Variants in MAVS observed in about 807,000 individuals in gnomAD.
MAVS encodes the protein mitochondrial antiviral-signaling protein.
MAVS carries 20 observed loss-of-function variants against 30.2 expected under a neutral mutation model. The observed-to-expected ratio is 0.66, with a 90% CI of 0.47 to 0.96. The LOEUF is 0.96. Ranked by LOEUF, MAVS falls within the 40% of genes least tolerant of loss-of-function variation. The probability of loss-of-function intolerance (pLI) is 0.00; values close to 1 mark genes in which losing one functional copy is unlikely to be tolerated. For synonymous variants in MAVS, 278 were observed against 293.9 expected (o/e 0.95, Z 0.55); for missense variants, 624 against 701.1 (o/e 0.89, Z 1.24).
intron 3 of MAVS, among the ~76,000 whole-genome samples, chr20:3,860,788 T>A (rs1165399706): frequency 6.6e-6 from 1 of 151,818 alleles, no homozygotes; most frequent in Non-Finnish European, 1.5e-5. Flanking sequence ...GCAATTCTTC[T>A]GCCTCAGCCT....
chr20:3,865,722 G>C lies in MAVS; in HGVS notation c.1198G>C (p.Gly400Arg), dbSNP rs1341688021. The C allele has an allele frequency of 6.2e-7, 1 of 1,612,252 alleles. No homozygotes were observed. Among genetic ancestry groups the C allele is most frequent in the Non-Finnish European group, 8.5e-7 (1 of 1,179,214 alleles). The part of the protein sequence containing the change: ...AAPTPAGATG[G>R]SSAWLDSSSE... ...TCCAACACCCGCCGGCGCCACTGGA[G>C]GCAGCTCAGCCTGGCTAGACAGCAG... Residue 400 changes from glycine to arginine, a missense_variant, in exon 7 of 7, where the codon GGC becomes CGC. Transcript: ENST00000428216. This position sits in a 1 kb window ranked among gnomAD's most constrained non-coding sequence, Gnocchi z 4.7.
At chr20:3,852,179 AG>A (rs1390503673) in intron 1 of MAVS, among the ~76,000 whole-genome samples, 4 of 151,898 alleles carry the variant, frequency 2.6e-5, no homozygotes, top group Admixed American at 6.6e-5. Context: ...TATTTTTAGT[AG>A]AGACGGGGTT....
intron 1 of MAVS, among the ~76,000 whole-genome samples, chr20:3,852,370 TTC>T (rs2089769188): frequency 1.3e-5 from 2 of 152,216 alleles, no homozygotes; most frequent in African/African-American, 2.4e-5. Context: ...CAGTTCTTTC[TTC>T]TTCTACTAAC....
chr20:3,859,973 T>C (rs185771588), intron 3 of MAVS, among the ~76,000 whole-genome samples: 56 of 151,510 alleles, frequency 3.7e-4, no homozygotes, highest in Middle Eastern at 3.5e-3. Flanking sequence ...CCTGCAACCA[T>C]GCCCGGCTAA....
rs745803512 is a variant in MAVS, at chr20:3,857,890, C to G, written c.292+81C>G. On this transcript the variant is annotated intron_variant, in intron 3 of 6. Coordinates refer to ENST00000428216, the MANE Select transcript of MAVS (RefSeq NM_020746.5). ...CTCCTTTTCTCTCTCCCTGTACTTC[C>G]TGCCTTTCTCTGTCATCCTCTTTCT... 3 of 1,427,454 alleles carry G rather than the reference C, an allele frequency of 2.1e-6. No homozygotes were observed. The South Asian group carries it at 3.5e-5, about 16-fold the overall frequency. 88.4% of individuals were successfully genotyped at this position (1,427,454 alleles called of 1,614,324 possible). A position where few individuals can be genotyped will look rare whatever the true frequency, so the allele number is the denominator to read the frequency against.
At position 3,874,092 on chromosome 20, in the gene MAVS, T is replaced by C. The variant is rs2089974060; in HGVS notation, c.*7945T>C. ...GAATACTACTGCACAGCAACGAATA[T>C]GAATGAAAATATCGCTATGCACAGC... is the stretch of plus-strand genomic sequence containing the variant. On this transcript the variant is annotated 3_prime_UTR_variant, in exon 7 of 7. Transcript: ENST00000428216. 2.5e-6 allele frequency: 1 copy of C among 398,488 alleles called. No individual in the cohort carries two copies. The highest frequency in any genetic ancestry group is 4.4e-6 in the Non-Finnish European group (1 of 226,082). 24.7% of individuals were successfully genotyped at this position (398,488 alleles called of 1,614,324 possible).
intron 5 of MAVS, among the ~76,000 whole-genome samples, chr20:3,863,977 G>T (rs891537760): frequency 5.3e-5 from 8 of 152,162 alleles, no homozygotes; most frequent in Non-Finnish European, 1.2e-4. Flanking sequence ...AGAGGAAAAA[G>T]CGGAGAGAAT....
chr20:3,866,050 A>T lies in MAVS; in HGVS notation c.1526A>T (p.His509Leu). ...RKFQEREVPC[H>L]RPSPGALWLQ... Reference sequence around the variant, plus strand: ...TTCCAGGAGAGGGAGGTGCCATGCCACAGGCCCTCACCTGGGGCTCTGTGG... The same window carrying T: ...TTCCAGGAGAGGGAGGTGCCATGCCTCAGGCCCTCACCTGGGGCTCTGTGG... The change falls in exon 7 of 7, where the codon CAC (histidine) becomes CTC (leucine). Residue 509 changes from histidine to leucine, a missense_variant. By Grantham distance (99) the His-to-Leu change is moderately conservative (BLOSUM62 -3). Transcript: ENST00000428216. 1 of 1,612,530 alleles carries T rather than the reference A, an allele frequency of 6.2e-7. No individual in the cohort carries two copies.
At chr20:3,853,402 C>G (rs1220004698) in intron 1 of MAVS, among the ~76,000 whole-genome samples, 1 of 150,660 alleles carries the variant, frequency 6.6e-6, no homozygotes, top group African/African-American at 2.4e-5. Flanking sequence ...AGGAGAATGG[C>G]GTGAACCCGA....
At chr20:3,852,870 C>T (rs1278231423) in intron 1 of MAVS, among the ~76,000 whole-genome samples, 1 of 136,430 alleles carries the variant, frequency 7.3e-6, no homozygotes, top group African/African-American at 2.8e-5. Flanking sequence ...GACGGAGTCT[C>T]ACTCTGCCGC....
At chr20:3,857,981 C>T in intron 3 of MAVS, 172 bp downstream of exon 3, 1 of 734,076 alleles carries the variant, frequency 1.4e-6, no homozygotes, top group Non-Finnish European at 2.3e-6. Flanking sequence ...CAGCTGTGTC[C>T]CTTTGGCCAA....
At position 3,855,428 on chromosome 20, in the gene MAVS, C is replaced by T. The variant is rs957498466; in HGVS notation, c.117+687C>T. ...CTTGTCATGGGGCCCTGTCCTGGCA[C>T]GGAGCTGGGACTCAGGTTTGAGAGC... On this transcript the variant is annotated intron_variant, in intron 2 of 6. Transcript: ENST00000428216. Among the ~76,000 whole-genome samples the T allele has an allele frequency of 1.8e-4, 28 of 152,232 alleles. 1 individual carries two copies. Among genetic ancestry groups the T allele is most frequent in the African/African-American group, 5.5e-4 (23 of 41,554 alleles).
intron 3 of MAVS, among the ~76,000 whole-genome samples, chr20:3,860,070 G>T (rs1241612591): frequency 1.3e-5 from 2 of 152,122 alleles, no homozygotes; most frequent in East Asian, 3.9e-4. Context: ...ACCCGCCTCG[G>T]CCTCCCAAAG....
At chr20:3,863,527 G>A (rs1281574272) in intron 5 of MAVS, among the ~76,000 whole-genome samples, 1 of 152,186 alleles carries the variant, frequency 6.6e-6, no homozygotes, top group Non-Finnish European at 1.5e-5. Flanking sequence ...TTAGGTTTCA[G>A]TACGTTTGTA....
Position 3,853,953 on chromosome 20 carries a change from ATTTTTT to A in MAVS, c.-67-594_-67-589del, listed in dbSNP as rs56392229. 8.5e-4 allele frequency among the ~76,000 whole-genome samples: 113 copies of A among 132,760 alleles called. 1 individual carries two copies. The highest frequency in any genetic ancestry group is 2.7e-3 in the African/African-American group (94 of 35,316). 87.1% of individuals were successfully genotyped at this position (132,760 alleles called of 152,430 possible). On this transcript the variant is annotated intron_variant, in intron 1 of 6. Transcript: ENST00000428216. ...CAGGCATGCGCCACCATGCCCAGCT[ATTTTTT>A]TTTTTTTTTTGTATTTTTAGTAGAG...
At chr20:3,852,644 A>C (rs759824260) in intron 1 of MAVS, among the ~76,000 whole-genome samples, 17 of 151,932 alleles carry the variant, frequency 1.1e-4, no homozygotes, top group Non-Finnish European at 2.4e-4. Context: ...CCTGCAGAGA[A>C]GAAATGGGCC....
chr20:3,866,667 C>T lies in MAVS; in HGVS notation c.*520C>T. On this transcript the variant is annotated 3_prime_UTR_variant, in exon 7 of 7. Coordinates refer to ENST00000428216, the MANE Select transcript of MAVS (RefSeq NM_020746.5). ...GCAGGAGCGGCAGGGTGGCTGCTCTCCAGGAGCCCAACTGCCTTGAGTTCC... is the reference window on the plus strand; with the variant it reads ...GCAGGAGCGGCAGGGTGGCTGCTCTTCAGGAGCCCAACTGCCTTGAGTTCC... The T allele has an allele frequency of 5.6e-6, 2 of 355,598 alleles. No homozygotes were observed. Among genetic ancestry groups the T allele is most frequent in the Admixed American group, 3.8e-5 (1 of 26,358 alleles). The allele number at this position is 355,598 out of a possible 1,614,324, so 22.0% of individuals were successfully genotyped here.
At chr20:3,855,082 G>A (rs550959130) in intron 2 of MAVS, among the ~76,000 whole-genome samples, 21 of 151,984 alleles carry the variant, frequency 1.4e-4, no homozygotes, top group African/African-American at 3.9e-4. Flanking sequence ...ATAGAGACGG[G>A]GTTTCACCAT....
chr20:3,854,751 G>A lies in MAVS; in HGVS notation c.117+10G>A, dbSNP rs1179829261. ...CACAGCAAGAGACCAGGTGAGCAAG[G>A]GAAGTGACAGCCCGACACTGGCCTG... On this transcript the variant is annotated intron_variant, in intron 2 of 6. Transcript: ENST00000428216. The A allele has an allele frequency of 6.3e-7, 1 of 1,590,672 alleles. No individual in the cohort carries two copies. Among genetic ancestry groups the A allele is most frequent in the East Asian group, 2.2e-5 (1 of 44,738 alleles).
Sources: allele counts gnomAD v4.1 joint callset (sites outside exome capture counted in the v4.1 genomes callset), GRCh38; gene constraint gnomAD v4.1.1; non-coding constraint Gnocchi (gnomAD v3.1); transcripts MANE v1.5; gene names NCBI Gene and HGNC (gene_info 2026-07-23, HGNC 2026-07-21).